The following NXPE2 variants were observed in gnomAD, a reference collection of about 807,000 sequenced individuals.
NXPE2 encodes the protein NXPE family member 2.
NXPE2 carries 34 observed loss-of-function variants against 34.4 expected under a neutral mutation model. The observed-to-expected ratio is 0.99, with a 90% CI of 0.75 to 1.31. The LOEUF is 1.31. Among genes scored for constraint, NXPE2 ranks in the 40% most tolerant of loss-of-function variants. The pLI is 0.00. For missense variants in NXPE2, 649 were observed against 672.5 expected (o/e 0.97, Z 0.39); for synonymous variants, 235 against 231.3 (o/e 1.02, Z -0.15).
At chr11:114,534,933 C>T in the NXPE2 span, among the ~76,000 whole-genome samples, 1 of 152,064 alleles carries the variant, frequency 6.6e-6, no homozygotes, top group Admixed American at 6.6e-5. Flanking sequence ...ACAGAGAACG[C>T]CACTAAGATA....
the NXPE2 span, among the ~76,000 whole-genome samples, chr11:114,469,742 C>G: frequency 6.6e-6 from 1 of 152,118 alleles, no homozygotes; most frequent in Non-Finnish European, 1.5e-5. Context: ...TCGCCCACCT[C>G]AATATATGTC....
chr11:114,635,926 CTT>C, the NXPE2 span, among the ~76,000 whole-genome samples: 8 of 151,974 alleles, frequency 5.3e-5, no homozygotes, highest in African/African-American at 1.7e-4. Context: ...CTAAAATTCT[CTT>C]TTTTGGTGGT....
chr11:114,630,015 TAA>T, the NXPE2 span, among the ~76,000 whole-genome samples: 1 of 150,196 alleles, frequency 6.7e-6, no homozygotes, highest in Non-Finnish European at 1.5e-5. Context: ...CTCAAGGAAA[TAA>T]AAGAGGATAC....
chr11:114,662,054 A>G, the NXPE2 span, among the ~76,000 whole-genome samples: 2 of 152,176 alleles, frequency 1.3e-5, no homozygotes, highest in African/African-American at 2.4e-5. Context: ...TTTAACAACT[A>G]TCGACACAAA....
the NXPE2 span, chr11:114,513,376 A>G: frequency 2.5e-6 from 1 of 396,618 alleles, no homozygotes; most frequent in East Asian, 5.5e-5. Flanking sequence ...AAACTTCTGG[A>G]CACAGTGGTG....
the NXPE2 span, among the ~76,000 whole-genome samples, chr11:114,504,414 G>T: frequency 2.6e-5 from 4 of 152,118 alleles, no homozygotes; most frequent in Admixed American, 2.6e-4. Flanking sequence ...ACAGTCTCCA[G>T]CAGGGCCCCC....
the NXPE2 span, among the ~76,000 whole-genome samples, chr11:114,472,114 T>G: frequency 3.9e-5 from 6 of 152,208 alleles, no homozygotes; most frequent in Admixed American, 3.3e-4. Flanking sequence ...CATGGCTACC[T>G]CTAGCATATA....
the NXPE2 span, among the ~76,000 whole-genome samples, chr11:114,730,942 G>A: frequency 1.3e-5 from 2 of 152,130 alleles, no homozygotes; most frequent in African/African-American, 4.8e-5. Flanking sequence ...GATAGGAGTG[G>A]TGAGAGTGGG....
the NXPE2 span, chr11:114,570,976 C>T: frequency 1.4e-4 from 221 of 1,608,532 alleles, no homozygotes; most frequent in South Asian, 2.3e-4. Flanking sequence ...ATCTGATTTC[C>T]GACTACATGT....
chr11:114,527,714 G>A, the NXPE2 span: 6 of 586,198 alleles, frequency 1.0e-5, no homozygotes, highest in Non-Finnish European at 1.8e-5. Flanking sequence ...TCCCTTTAAA[G>A]TCCAGCATGA....
At chr11:114,664,366 T>C in the NXPE2 span, among the ~76,000 whole-genome samples, 19 of 152,138 alleles carry the variant, frequency 1.2e-4, no homozygotes, top group Non-Finnish European at 2.1e-4. Flanking sequence ...CAAAGGTGTA[T>C]AAGTAAAGTT....
the NXPE2 span, among the ~76,000 whole-genome samples, chr11:114,811,080 C>G: frequency 1.3e-5 from 2 of 150,370 alleles, no homozygotes; most frequent in East Asian, 2.0e-4. Flanking sequence ...CAAACTATCA[C>G]AAGGACAAAA....
chr11:114,685,399 G>A (rs1384974370), intron 2 of NXPE2, among the ~76,000 whole-genome samples: 2 of 152,126 alleles, frequency 1.3e-5, no homozygotes, highest in African/African-American at 2.4e-5. Context: ...ATGGTGGAAT[G>A]GGCAAAGGAG....
At chr11:114,597,085 A>G in the NXPE2 span, among the ~76,000 whole-genome samples, 1 of 144,486 alleles carries the variant, frequency 6.9e-6, no homozygotes, top group Non-Finnish European at 1.5e-5. Flanking sequence ...TCTTTATACC[A>G]TGTGTGAATT....
At chr11:114,750,943 T>G in the NXPE2 span, among the ~76,000 whole-genome samples, 1 of 152,118 alleles carries the variant, frequency 6.6e-6, no homozygotes, top group East Asian at 1.9e-4. Flanking sequence ...ACAACAAAAT[T>G]TGATTTCTTG....
the NXPE2 span, chr11:114,530,389 C>CA: frequency 1.9e-6 from 3 of 1,614,184 alleles, no homozygotes; most frequent in Non-Finnish European, 2.5e-6. Flanking sequence ...ACAAATTTGC[C>CA]TTTGAAAATA....
At chr11:114,783,381 A>G in the NXPE2 span, among the ~76,000 whole-genome samples, 10 of 152,150 alleles carry the variant, frequency 6.6e-5, no homozygotes, top group Admixed American at 2.6e-4. Context: ...CCTGACATGT[A>G]TGAGCCCCAA....
downstream of NXPE2, among the ~76,000 whole-genome samples, chr11:114,711,393 A>T (rs1271439540): frequency 6.6e-6 from 1 of 152,164 alleles, no homozygotes; most frequent in Non-Finnish European, 1.5e-5. Context: ...TCTGCACAGA[A>T]ACTATTAGAA....
the NXPE2 span, among the ~76,000 whole-genome samples, chr11:114,616,298 G>A: frequency 6.6e-6 from 1 of 150,836 alleles, no homozygotes; most frequent in Admixed American, 6.6e-5. Context: ...GTAAGCCCCT[G>A]GATAATAAGT....
Sources: allele counts gnomAD v4.1 joint callset (sites outside exome capture counted in the v4.1 genomes callset), GRCh38; gene constraint gnomAD v4.1.1; transcripts MANE v1.5; gene names NCBI Gene and HGNC (gene_info 2026-07-23, HGNC 2026-07-21).